NLRP8: variants seen among roughly 807,000 people sequenced by gnomAD.
NLRP8 encodes the protein NACHT, LRR and PYD domains-containing protein 8.
In NLRP8, 86 loss-of-function variants were observed where a neutral mutation model predicts 88.7. The ratio of observed to expected loss-of-function variants is 0.97; its 90% CI spans 0.81 to 1.16. NLRP8 has a LOEUF of 1.16. Among genes scored for constraint, NLRP8 ranks in the 50% most tolerant of loss-of-function variants. The pLI is 0.00. For missense variants in NLRP8, 1,342 were observed against 1,286.5 expected (o/e 1.04, Z -0.66); for synonymous variants, 504 against 494.6 (o/e 1.02, Z -0.25).
chr19:55,950,594 G>C (rs113010317), intron 1 of NLRP8, among the ~76,000 whole-genome samples: 3 of 152,150 alleles, frequency 2.0e-5, no homozygotes, highest in Non-Finnish European at 4.4e-5. Context: ...CAAAAAAATC[G>C]AGCTGACCTC....
intron 9 of NLRP8, among the ~76,000 whole-genome samples, chr19:55,986,538 C>G (rs1189971813): frequency 6.6e-6 from 1 of 151,760 alleles, no homozygotes; most frequent in African/African-American, 2.4e-5. Flanking sequence ...CAGCTGAAGG[C>G]TGTGAGCATC....
Position 55,960,527 on chromosome 19 carries a change from T to C in NLRP8, c.2043-1540T>C, listed in dbSNP as rs533947886. On this transcript the variant is annotated intron_variant, in intron 3 of 9. Coordinates refer to ENST00000291971, the MANE Select transcript of NLRP8 (RefSeq NM_176811.2). ...AATCTAAGCACAGTGAATCACAATG[T>C]CTTTCTATGATGCTGCGTAAAGACC... Among the ~76,000 whole-genome samples, 5 of 152,328 alleles carry C rather than the reference T, an allele frequency of 3.3e-5. No individual in the cohort carries two copies. The South Asian group carries it at 1.0e-3, about 32-fold the overall frequency.
chr19:55,958,297 G>A (rs975406830), intron 3 of NLRP8, among the ~76,000 whole-genome samples: 1 of 152,188 alleles, frequency 6.6e-6, no homozygotes, highest in Non-Finnish European at 1.5e-5. Context: ...ATATGGATGT[G>A]TAGCGCTAAT....
In NLRP8 at chr19:55,954,501, G is replaced by A. The variant is rs755763329; in HGVS notation, c.443G>A (p.Gly148Asp). Residue 148 changes from glycine (G) to aspartate (D), a missense_variant and splice_region_variant, in exon 3 of 10, where the codon GGT becomes GAT. Transcript: ENST00000291971. ...TATTTCTCCCATCTCACAAATCTAG[G>A]TAAAATACGGCGGTATAAATCGAAT... 6.2e-7 allele frequency: 1 copy of A among 1,612,106 alleles called. No individual in the cohort carries two copies. The highest frequency in any genetic ancestry group is 1.3e-5 in the African/African-American group (1 of 74,934).
intron 9 of NLRP8, among the ~76,000 whole-genome samples, chr19:55,983,701 G>A (rs1360547812): frequency 6.6e-6 from 1 of 151,194 alleles, no homozygotes; most frequent in Non-Finnish European, 1.5e-5. Context: ...TGGATATCAT[G>A]TGCCTGTGGA....
At position 55,964,292 on chromosome 19, in the gene NLRP8, C is replaced by A. The variant is rs533578437; in HGVS notation, c.2214-1921C>A. Reference sequence around the variant, plus strand: ...CATGGGATTAATTCTCACAGCCATTCTAAGGAGAAAATGTCGTATGCTCTC... The same window carrying A: ...CATGGGATTAATTCTCACAGCCATTATAAGGAGAAAATGTCGTATGCTCTC... On this transcript the variant is annotated intron_variant, in intron 4 of 9. Transcript: ENST00000291971. 3.8e-4 allele frequency among the ~76,000 whole-genome samples: 58 copies of A among 152,230 alleles called. 1 individual carries two copies. The highest frequency in any genetic ancestry group is 2.4e-3 in the Admixed American group (37 of 15,278).
chr19:55,985,163 C>A (rs927519351), intron 9 of NLRP8, among the ~76,000 whole-genome samples: 4 of 152,152 alleles, frequency 2.6e-5, no homozygotes, highest in South Asian at 4.1e-4. Context: ...ATTAGCCAGG[C>A]GTGGTGGCGG....
Position 55,955,087 on chromosome 19 carries a change from G to A in NLRP8, c.1029G>A (p.Lys343=), listed in dbSNP as rs768217720. The stretch of plus-strand genomic sequence containing the variant: ...GATTTACCTCTTGGCAGACATGCAA[G>A]CCCTTGCTGAAATGTCCCTCTCTCG... Residue 343 remains lysine (K), a synonymous_variant, in exon 3 of 10, where the codon AAG becomes AAA. Coordinates refer to ENST00000291971, the MANE Select transcript of NLRP8 (RefSeq NM_176811.2). The A allele has an allele frequency of 5.0e-6, 8 of 1,614,004 alleles. No homozygotes were observed. In the Admixed American group the frequency reaches 1.3e-4, roughly 27 times the overall value.
Position 55,955,041 on chromosome 19 carries a change from C to T in NLRP8, c.983C>T (p.Ala328Val). ...CTGAGCAAAACGATGCTTCCAGAGG[C>T]CACGCTACTGATCATGATAAGATTT... Residue 328 changes from alanine (A) to valine (V), a missense_variant, in exon 3 of 10, where the codon GCC (alanine) becomes GTC (valine). Ala to Val is a moderately conservative substitution (Grantham distance 64). Coordinates refer to ENST00000291971, the MANE Select transcript of NLRP8 (RefSeq NM_176811.2). 1.2e-6 allele frequency: 2 copies of T among 1,614,112 alleles called. No individual in the cohort carries two copies. Among genetic ancestry groups the T allele is most frequent in the African/African-American group, 1.3e-5 (1 of 75,020 alleles).
intron 9 of NLRP8, among the ~76,000 whole-genome samples, chr19:55,985,533 C>G (rs1980768264): frequency 6.6e-6 from 1 of 151,958 alleles, no homozygotes; most frequent in African/African-American, 2.4e-5. Flanking sequence ...ATTGATTGTT[C>G]CTACATAGAA....
Position 55,976,167 on chromosome 19 carries a change from C to T in NLRP8, c.2740C>T (p.Gln914Ter). Residue 914 changes from glutamine to a stop codon, truncating the protein, a stop_gained, in exon 8 of 10, where the codon CAG becomes TAG. Coordinates refer to ENST00000291971, the MANE Select transcript of NLRP8 (RefSeq NM_176811.2). LOFTEE classifies it high-confidence loss of function. ...GTGTGACTTGACCTTTAATTGCTGT[C>T]AGGATATGATCTCTGCGCTCTGTAA... 6.2e-7 allele frequency: 1 copy of T among 1,608,772 alleles called. No homozygotes were observed. Among genetic ancestry groups the T allele is most frequent in the Non-Finnish European group, 8.5e-7 (1 of 1,178,830 alleles).
At chr19:55,959,947 C>T (rs575489759) in intron 3 of NLRP8, among the ~76,000 whole-genome samples, 1 of 152,212 alleles carries the variant, frequency 6.6e-6, no homozygotes, top group South Asian at 2.1e-4. Flanking sequence ...TTACCTTTAT[C>T]TTGTCTCCTG....
Position 55,988,038 on chromosome 19 carries a change from A to C in NLRP8, c.*125A>C. 1.4e-5 allele frequency: 10 copies of C among 691,728 alleles called. No homozygotes were observed. Among genetic ancestry groups the C allele is most frequent in the Non-Finnish European group, 2.3e-5 (9 of 389,634 alleles). The allele number at this position is 691,728 out of a possible 1,614,324, so 42.8% of individuals were successfully genotyped here. A position where few individuals can be genotyped will look rare whatever the true frequency, so the allele number is the denominator to read the frequency against. On this transcript the variant is annotated 3_prime_UTR_variant, in exon 10 of 10. Transcript: ENST00000291971. ...CCCCTGAAACAGAGCAACCCAGTCA[A>C]CACCACAGAACCTCAGCTTTGAACC...
In NLRP8 at chr19:55,955,233, T is replaced by A; in HGVS notation, c.1175T>A (p.Met392Lys). 1 of 1,614,214 alleles carries A rather than the reference T, an allele frequency of 6.2e-7. No individual in the cohort carries two copies. The highest frequency in any genetic ancestry group is 8.5e-7 in the Non-Finnish European group (1 of 1,180,032). The change falls in exon 3 of 10, where the codon ATG (methionine) becomes AAG (lysine). Residue 392 changes from methionine to lysine, a missense_variant. Transcript: ENST00000291971. ...ATGGAAAACACCATTCTCTTCTCCA[T>A]GTGCCGGGTCCCTGTGGTTTGCTGG...
chr19:55,964,473 C>T (rs949938514), intron 4 of NLRP8, among the ~76,000 whole-genome samples: 12 of 152,096 alleles, frequency 7.9e-5, no homozygotes, highest in Non-Finnish European at 1.2e-4. Context: ...AATAGCCGGT[C>T]GGGCGTGGTG....
intron 6 of NLRP8, 121 bp downstream of exon 6, chr19:55,970,817 T>A: frequency 7.8e-7 from 1 of 1,278,772 alleles, no homozygotes; most frequent in East Asian, 2.3e-5. Context: ...CAAACATAAG[T>A]CTTGTGATTG....
Position 55,949,232 on chromosome 19 carries a change from G to A in NLRP8, c.367+963G>A, listed in dbSNP as rs186043809. 1.2e-3 allele frequency among the ~76,000 whole-genome samples: 181 copies of A among 151,922 alleles called. 4 individuals are homozygous for A. Among genetic ancestry groups the A allele is most frequent in the African/African-American group, 4.3e-3 (177 of 41,460 alleles). On this transcript the variant is annotated intron_variant, in intron 1 of 9. Transcript: ENST00000291971. ...ATAATTTAAACTTTTATCATAGATC[G>A]GTATGTATTTTTTTTCTATTTTGAG...
chr19:55,955,870 TG>T lies in NLRP8; in HGVS notation c.1816del (p.Val606SerfsTer17). ...AATGTGACCCACCTTCTCCGGGCAG[TG>T]GGGTCCCGCAGTTATTCTACTGTCT... On this transcript the variant is annotated frameshift_variant, in exon 3 of 10. Coordinates refer to ENST00000291971, the MANE Select transcript of NLRP8 (RefSeq NM_176811.2). LOFTEE classifies it high-confidence loss of function. 1.9e-6 allele frequency: 3 copies of T among 1,614,156 alleles called. No individual in the cohort carries two copies. Among genetic ancestry groups the T allele is most frequent in the Non-Finnish European group, 2.5e-6 (3 of 1,180,008 alleles).
chr19:55,966,017 T>G (rs1267070686), intron 4 of NLRP8, among the ~76,000 whole-genome samples, 196 bp from the exon 5 acceptor site: 1 of 152,182 alleles, frequency 6.6e-6, no homozygotes, highest in Non-Finnish European at 1.5e-5. Flanking sequence ...ACTTACAGTT[T>G]TCCCAGGATA....
Sources: allele counts gnomAD v4.1 joint callset (sites outside exome capture counted in the v4.1 genomes callset), GRCh38; gene constraint gnomAD v4.1.1; transcripts MANE v1.5; gene names NCBI Gene and HGNC (gene_info 2026-07-23, HGNC 2026-07-21).